PVT1: variants seen among roughly 807,000 people sequenced by gnomAD.
PVT1 encodes CXCR4/PVT1 fusion.
intron 2 of PVT1, among the ~76,000 whole-genome samples, chr8:127,797,131 G>T (rs547953112): frequency 6.2e-4 from 95 of 152,048 alleles, no homozygotes; most frequent in African/African-American, 2.1e-3. Context: ...GCCCGCCTTG[G>T]CCTCCCAAAA....
At chr8:127,969,059 C>G (rs1816734985) in intron 3 of PVT1, among the ~76,000 whole-genome samples, 1 of 152,184 alleles carries the variant, frequency 6.6e-6, no homozygotes, top group Non-Finnish European at 1.5e-5. Context: ...CATTTGTACC[C>G]TGAGAATCTA....
At chr8:127,798,627 G>A (rs543701552) in intron 2 of PVT1, among the ~76,000 whole-genome samples, 2 of 150,534 alleles carry the variant, frequency 1.3e-5, no homozygotes, top group Admixed American at 1.3e-4. Context: ...GGGAGGCTGA[G>A]GCCGGTAGAT....
chr8:127,816,688 T>C (rs964906615), intron 2 of PVT1, among the ~76,000 whole-genome samples: 2 of 152,082 alleles, frequency 1.3e-5, no homozygotes, highest in Admixed American at 1.3e-4. Context: ...CATGCCTGGC[T>C]AATTTTTGTA....
At chr8:127,925,118 C>T (rs941063159) in intron 3 of PVT1, among the ~76,000 whole-genome samples, 1 of 152,134 alleles carries the variant, frequency 6.6e-6, no homozygotes, top group Non-Finnish European at 1.5e-5. Context: ...ACAAATATAC[C>T]TATCCTGGAA....
intron 3 of PVT1, among the ~76,000 whole-genome samples, chr8:127,972,906 A>G (rs1816780520): frequency 6.6e-6 from 1 of 152,090 alleles, no homozygotes; most frequent in Non-Finnish European, 1.5e-5. Context: ...AAAATTTTTG[A>G]TTAAAACAAA....
intron 2 of PVT1, among the ~76,000 whole-genome samples, chr8:127,872,412 CAAAT>C (rs1001462621): frequency 2.6e-5 from 4 of 152,050 alleles, no homozygotes; most frequent in African/African-American, 9.7e-5. Flanking sequence ...GTATCCGTCT[CAAAT>C]AAATAAATAA....
intron 2 of PVT1, among the ~76,000 whole-genome samples, chr8:127,834,200 A>G (rs889302757): frequency 2.6e-5 from 4 of 152,170 alleles, no homozygotes; most frequent in African/African-American, 9.7e-5. Flanking sequence ...CCAAAACAGC[A>G]TGATACTAGT....
chr8:127,804,369 G>T (rs1036680199), intron 2 of PVT1, among the ~76,000 whole-genome samples: 3 of 151,938 alleles, frequency 2.0e-5, no homozygotes, highest in African/African-American at 7.3e-5. Flanking sequence ...CAGACATTGG[G>T]CCTCACTCCT....
At chr8:127,952,083 AGATTACAGAC>A (rs1816512027) in intron 3 of PVT1, among the ~76,000 whole-genome samples, 3 of 152,072 alleles carry the variant, frequency 2.0e-5, no homozygotes, top group African/African-American at 7.2e-5. Flanking sequence ...CAAAGTGCTG[AGATTACAGAC>A]GTGAGCCACC....
At chr8:127,986,093 CCCCTTGTTCAGGTTACCTAG>C (rs1297664843) in intron 3 of PVT1, among the ~76,000 whole-genome samples, 1 of 152,218 alleles carries the variant, frequency 6.6e-6, no homozygotes, top group Admixed American at 6.5e-5. Flanking sequence ...AGGACTGCCT[CCCCTTGTTCAGGTTACCTAG>C]CCCTTGTGCA....
chr8:127,936,115 G>T (rs533496100), intron 3 of PVT1, among the ~76,000 whole-genome samples: 1 of 147,856 alleles, frequency 6.8e-6, no homozygotes, highest in Non-Finnish European at 1.5e-5. Context: ...GCAATGGCGC[G>T]ATCTTGGCTC....
chr8:128,028,843 T>A (rs1302457064), intron 4 of PVT1, among the ~76,000 whole-genome samples: 2 of 152,058 alleles, frequency 1.3e-5, no homozygotes, highest in Non-Finnish European at 2.9e-5. Flanking sequence ...TTTTTAAATG[T>A]TATTTTTTAT....
chr8:127,858,937 A>G (rs1015748955), intron 2 of PVT1, among the ~76,000 whole-genome samples: 1 of 149,432 alleles, frequency 6.7e-6, no homozygotes, highest in Non-Finnish European at 1.5e-5. Flanking sequence ...CCTCCTGAAT[A>G]GCTGGGACTT....
chr8:127,895,031 T>C (rs1018757666), intron 3 of PVT1, among the ~76,000 whole-genome samples: 2 of 152,238 alleles, frequency 1.3e-5, no homozygotes, highest in African/African-American at 4.8e-5. Flanking sequence ...GCCCTGCCTG[T>C]TATGTTCATT....
At chr8:128,024,697 C>G (rs563903865) in intron 4 of PVT1, among the ~76,000 whole-genome samples, 1 of 152,222 alleles carries the variant, frequency 6.6e-6, no homozygotes, top group Admixed American at 6.5e-5. Flanking sequence ...AAAAGAAGCA[C>G]TATGGTTTAA....
intron 4 of PVT1, among the ~76,000 whole-genome samples, chr8:128,038,936 T>C (rs951530707): frequency 7.2e-5 from 11 of 152,108 alleles, no homozygotes; most frequent in African/African-American, 2.2e-4. Flanking sequence ...ACCAAGTCAT[T>C]ATAACACAGA....
At chr8:127,849,676 G>A (rs1337674768) in intron 2 of PVT1, among the ~76,000 whole-genome samples, 1 of 147,616 alleles carries the variant, frequency 6.8e-6, no homozygotes, top group Non-Finnish European at 1.5e-5. Context: ...ACGTGCATGG[G>A]TGCACAGCCT....
chr8:127,841,023 G>A (rs1458965117), intron 2 of PVT1, among the ~76,000 whole-genome samples: 1 of 152,222 alleles, frequency 6.6e-6, no homozygotes, highest in African/African-American at 2.4e-5. Context: ...TCACCTTTGT[G>A]TGCCCCAAAG....
At chr8:127,931,898 C>T (rs899651940) in intron 3 of PVT1, among the ~76,000 whole-genome samples, 9 of 152,254 alleles carry the variant, frequency 5.9e-5, no homozygotes, top group East Asian at 1.9e-4. Flanking sequence ...TAAGGCCCTG[C>T]GGCTGGTCCC....
Sources: allele counts gnomAD v4.1 joint callset (sites outside exome capture counted in the v4.1 genomes callset), GRCh38; gene constraint gnomAD v4.1.1; transcripts MANE v1.5; gene names NCBI Gene and HGNC (gene_info 2026-07-23, HGNC 2026-07-21).